Variants in ZNF148 observed in about 807,000 individuals in gnomAD.
The protein encoded by ZNF148 is zinc finger protein 148, also known as Beta-Enolase Repressor Factor-1.
ZNF148 carries 7 observed loss-of-function variants against 67.7 expected under a neutral mutation model. That is an observed-to-expected ratio of 0.10 (90% CI 0.06 to 0.19). ZNF148 has a LOEUF of 0.19. ZNF148 is among the 10% of genes least tolerant of loss of function. ZNF148 has a pLI of 1.00. For missense variants in ZNF148, 583 were observed against 947.1 expected (o/e 0.62, Z 5.05); for synonymous variants, 333 against 330.7 (o/e 1.01, Z -0.08).
At position 125,327,167 on chromosome 3, in the gene ZNF148, G is replaced by A. The variant is rs371892284; in HGVS notation, c.-152-3723C>T. The stretch of plus-strand genomic sequence containing the variant: ...CTATAGAGACAAAGAAAGATATTTC[G>A]TAATAATAAACAGTCAAAACATCAG... On this transcript the variant is annotated intron_variant, in intron 2 of 8. Coordinates refer to ENST00000360647, the MANE Select transcript of ZNF148 (RefSeq NM_021964.3). Among the ~76,000 whole-genome samples the A allele has an allele frequency of 5.9e-4, 89 of 152,134 alleles. 5 individuals carry two copies. The East Asian group carries it at 6.4e-3, about 11-fold the overall frequency.
intron 4 of ZNF148, among the ~76,000 whole-genome samples, chr3:125,300,117 G>A (rs1163939305): frequency 1.3e-5 from 2 of 151,932 alleles, no homozygotes; most frequent in African/African-American, 2.4e-5. Context: ...GATTACAGGC[G>A]CCCACCACCA....
At chr3:125,246,372 T>C (rs541835851) in intron 7 of ZNF148, among the ~76,000 whole-genome samples, 2 of 152,332 alleles carry the variant, frequency 1.3e-5, no homozygotes, top group South Asian at 2.1e-4. Context: ...TGTACCATTA[T>C]GTGATGCAAC....
chr3:125,250,175 G>A lies in ZNF148; in HGVS notation c.668-15846C>T, dbSNP rs1936777073. On this transcript the variant is annotated intron_variant, in intron 7 of 8. Transcript: ENST00000360647. ...AAGCGTTCTCACCACACACACAAAA[G>A]ATAGTTATGTGAAGTGATGGTTATG... 5.3e-5 allele frequency among the ~76,000 whole-genome samples: 8 copies of A among 152,194 alleles called. No individual in the cohort carries two copies. In the South Asian group the frequency reaches 1.7e-3, roughly 31 times the overall value.
intron 2 of ZNF148, among the ~76,000 whole-genome samples, chr3:125,329,721 T>C (rs1229295587): frequency 6.7e-6 from 1 of 150,072 alleles, no homozygotes; most frequent in Admixed American, 6.6e-5. Flanking sequence ...TCATTTATAA[T>C]AGCAAAAAAA....
intron 2 of ZNF148, among the ~76,000 whole-genome samples, chr3:125,326,631 A>G (rs190393729): frequency 1.3e-5 from 2 of 149,606 alleles, no homozygotes; most frequent in African/African-American, 4.9e-5. Context: ...AAAGGATCAT[A>G]TCATATATAA....
At chr3:125,344,819 A>G in intron 1 of ZNF148, 1 of 365,244 alleles carries the variant, frequency 2.7e-6, no homozygotes, top group South Asian at 2.6e-5. Flanking sequence ...TAGTTGGAAG[A>G]GGACTGAGGA....
At chr3:125,294,008 G>A (rs909141802) in intron 4 of ZNF148, among the ~76,000 whole-genome samples, 2 of 152,112 alleles carry the variant, frequency 1.3e-5, no homozygotes, top group Admixed American at 1.3e-4. Context: ...AAGGATCAAG[G>A]TTACTATCAC....
chr3:125,371,791 G>A (rs761829800), intron 1 of ZNF148, among the ~76,000 whole-genome samples: 6 of 151,924 alleles, frequency 3.9e-5, no homozygotes, highest in African/African-American at 4.8e-5. Context: ...CAGGCCGGGC[G>A]CGGAGACTCA....
At chr3:125,313,076 C>A (rs1940301452) in intron 4 of ZNF148, among the ~76,000 whole-genome samples, 1 of 151,886 alleles carries the variant, frequency 6.6e-6, no homozygotes, top group Non-Finnish European at 1.5e-5. Flanking sequence ...AATTTAATAC[C>A]AAAATAATCC....
intron 2 of ZNF148, among the ~76,000 whole-genome samples, chr3:125,325,966 TCCAGTTAGAAA>T (rs1314446269): frequency 2.0e-5 from 3 of 152,064 alleles, no homozygotes; most frequent in African/African-American, 4.8e-5. Context: ...GTGGCTAACT[TCCAGTTAGAAA>T]CAATAGAGGC....
intron 7 of ZNF148, among the ~76,000 whole-genome samples, chr3:125,260,674 T>C (rs971909501): frequency 5.3e-5 from 8 of 152,194 alleles, no homozygotes; most frequent in Non-Finnish European, 1.2e-4. Flanking sequence ...AGTCTGTATC[T>C]TGACTGTGGT....
chr3:125,234,387 T>G, intron 7 of ZNF148, 58 bp from the exon 8 acceptor site: 1 of 1,218,108 alleles, frequency 8.2e-7, no homozygotes, highest in East Asian at 2.4e-5. Context: ...AATGAATTGC[T>G]TTGCCATAAG....
intron 1 of ZNF148, among the ~76,000 whole-genome samples, chr3:125,352,358 G>A (rs944413976): frequency 6.6e-6 from 1 of 152,166 alleles, no homozygotes; most frequent in Non-Finnish European, 1.5e-5. Flanking sequence ...GAGACTGAAA[G>A]TAGACTAGTA....
In ZNF148 at chr3:125,233,241, A is replaced by G; in HGVS notation, c.1485T>C (p.Ala495=). The part of the protein sequence containing the change: ...REYALNVGTI[A]SQPSVTQAAV... ...CTGCTTGTGTTACAGAAGGCTGAGAAGCTATGGTACCCACATTCAGCGCAT... is the reference window on the plus strand; with the variant it reads ...CTGCTTGTGTTACAGAAGGCTGAGAGGCTATGGTACCCACATTCAGCGCAT... Residue 495 remains alanine, a synonymous_variant, in exon 9 of 9, where the codon GCT becomes GCC. Coordinates refer to ENST00000360647, the MANE Select transcript of ZNF148 (RefSeq NM_021964.3). This position sits in a 1 kb window ranked among gnomAD's most constrained non-coding sequence, Gnocchi z 5.1. 6.2e-7 allele frequency: 1 copy of G among 1,613,896 alleles called. No individual in the cohort carries two copies. Among genetic ancestry groups the G allele is most frequent in the South Asian group, 1.1e-5 (1 of 91,074 alleles).
intron 4 of ZNF148, chr3:125,292,564 T>C (rs1939073041): frequency 6.6e-6 from 1 of 152,218 alleles, no homozygotes; most frequent in Admixed American, 6.5e-5. Context: ...TTCATAGCAG[T>C]TCTTCTGGAT....
At chr3:125,264,469 G>A (rs1937481737) in intron 7 of ZNF148, among the ~76,000 whole-genome samples, 1 of 152,154 alleles carries the variant, frequency 6.6e-6, no homozygotes, top group African/African-American at 2.4e-5. Context: ...TGTCAGAAGT[G>A]GGTAGAAACA....
At position 125,374,502 on chromosome 3, in the gene ZNF148, A is replaced by G. The variant is rs1307946023; in HGVS notation, c.-234+600T>C. On this transcript the variant is annotated intron_variant, in intron 1 of 8. Coordinates refer to ENST00000360647, the MANE Select transcript of ZNF148 (RefSeq NM_021964.3). ...AATACCTAACGTATCTGCACAATGA[A>G]CACCCCCCAGAATCCTCAAGACTCC... Among the ~76,000 whole-genome samples the G allele has an allele frequency of 2.0e-5, 3 of 151,746 alleles. No homozygotes were observed. The East Asian group carries it at 5.8e-4, about 29-fold the overall frequency.
At chr3:125,278,453 C>T (rs917955513) in intron 6 of ZNF148, among the ~76,000 whole-genome samples, 2 of 152,224 alleles carry the variant, frequency 1.3e-5, no homozygotes, top group African/African-American at 2.4e-5. Context: ...TTCTTCACTG[C>T]CCACTTGCGG....
chr3:125,255,792 T>C (rs1349502874), intron 7 of ZNF148, among the ~76,000 whole-genome samples: 1 of 152,190 alleles, frequency 6.6e-6, no homozygotes, highest in Non-Finnish European at 1.5e-5. Context: ...TTCCATTTTT[T>C]TCATTTCTAA....
Sources: gnomAD v4.1 joint callset for allele counts (sites outside exome capture counted in the v4.1 genomes callset) on GRCh38, gnomAD v4.1.1 for gene constraint, Gnocchi (gnomAD v3.1) non-coding constraint, MANE v1.5 for transcripts, NCBI Gene and HGNC (gene_info 2026-07-23, HGNC 2026-07-21) for gene names.